Variants in PDE4D observed in about 807,000 individuals in gnomAD.
PDE4D encodes 3',5'-cyclic-AMP phosphodiesterase 4D.
PDE4D carries 24 observed loss-of-function variants against 87.4 expected under a neutral mutation model. The ratio of observed to expected loss-of-function variants is 0.27; its 90% CI spans 0.20 to 0.39. PDE4D has a LOEUF of 0.39. PDE4D is among the 10% of genes least tolerant of loss of function. The probability of loss-of-function intolerance (pLI) is 1.00; values close to 1 mark genes in which losing one functional copy is unlikely to be tolerated. For missense variants in PDE4D, 714 were observed against 1,041.0 expected, an observed-to-expected ratio of 0.69 and a Z score of 4.32; for synonymous variants, 384 against 383.2, an observed-to-expected ratio of 1.00 and a Z score of -0.02.
At chr5:59,664,381 C>T (rs1006969894) in intron 1 of PDE4D, among the ~76,000 whole-genome samples, 1 of 152,144 alleles carries the variant, frequency 6.6e-6, no homozygotes, top group East Asian at 1.9e-4. Flanking sequence ...AAACACAAAT[C>T]AGTTAATATT....
At chr5:60,330,364 CCAAA>C (rs1237139482) in intron 1 of PDE4D, among the ~76,000 whole-genome samples, 2 of 152,094 alleles carry the variant, frequency 1.3e-5, no homozygotes, top group African/African-American at 2.4e-5. Context: ...ACAAATAAGC[CCAAA>C]CAATTAAGTG....
At chr5:59,130,397 G>A (rs988094030) in intron 5 of PDE4D, among the ~76,000 whole-genome samples, 4 of 152,050 alleles carry the variant, frequency 2.6e-5, no homozygotes, top group Admixed American at 6.6e-5. Context: ...GACAAGCCAC[G>A]GCATCTCGTA....
At position 59,007,190 on chromosome 5, in the gene PDE4D, A is replaced by T. The variant is rs1751792819; in HGVS notation, c.922-13725T>A. Among the ~76,000 whole-genome samples, 3 of 152,198 alleles carry T rather than the reference A, an allele frequency of 2.0e-5. No homozygotes were observed. In the South Asian group the frequency reaches 6.2e-4, roughly 32 times the overall value. ...CATAAGGAGTTTTCCAGGCAGTAGC[A>T]CTGTTTGCAGTAGGACTTACATTAT... On this transcript the variant is annotated intron_variant, in intron 6 of 14. Transcript: ENST00000340635.
Position 59,949,202 on chromosome 5 carries a change from C to T in PDE4D, c.272+39286G>A, listed in dbSNP as rs78158959. ...ATCCCAGCACTTTGGGAGGCCAAGGCGGGTGGATCACGAGGTCAGGAAATC... is the reference window on the plus strand; with the variant it reads ...ATCCCAGCACTTTGGGAGGCCAAGGTGGGTGGATCACGAGGTCAGGAAATC... On this transcript the variant is annotated intron_variant, in intron 3 of 16. Coordinates refer to the PDE4D transcript ENST00000502484. Among the ~76,000 whole-genome samples the T allele has an allele frequency of 3.3e-5, 5 of 152,084 alleles. No homozygotes were observed. The East Asian group carries it at 7.7e-4, about 24-fold the overall frequency.
At chr5:60,319,797 G>A (rs1334962384) in intron 1 of PDE4D, among the ~76,000 whole-genome samples, 1 of 152,166 alleles carries the variant, frequency 6.6e-6, no homozygotes, top group African/African-American at 2.4e-5. Context: ...GCAGAACAGT[G>A]GATATTGGTG....
At chr5:59,734,778 A>G (rs1346528035) in intron 1 of PDE4D, among the ~76,000 whole-genome samples, 1 of 152,164 alleles carries the variant, frequency 6.6e-6, no homozygotes, top group African/African-American at 2.4e-5. Flanking sequence ...TGTGAGGGAG[A>G]GATGAAAAAA....
At chr5:59,404,468 G>A (rs1791258632) in intron 1 of PDE4D, among the ~76,000 whole-genome samples, 1 of 151,978 alleles carries the variant, frequency 6.6e-6, no homozygotes, top group African/African-American at 2.4e-5. Context: ...AGACCAACCT[G>A]GCCAACATGG....
intron 1 of PDE4D, among the ~76,000 whole-genome samples, chr5:59,367,361 G>T (rs1430552276): frequency 6.6e-6 from 1 of 151,998 alleles, no homozygotes; most frequent in African/African-American, 2.4e-5. Context: ...TTATTTCTGG[G>T]TAATAGAATG....
intron 1 of PDE4D, among the ~76,000 whole-genome samples, chr5:59,513,306 C>T (rs1007394950): frequency 2.6e-5 from 4 of 152,032 alleles, no homozygotes; most frequent in Non-Finnish European, 5.9e-5. Context: ...AACTCTGTAT[C>T]ATATTGAGAT....
chr5:60,143,510 G>T (rs779564172), intron 2 of PDE4D, among the ~76,000 whole-genome samples: 5 of 151,918 alleles, frequency 3.3e-5, no homozygotes, highest in Non-Finnish European at 5.9e-5. Flanking sequence ...AACTCCAGCG[G>T]CACATTAGAA....
At chr5:60,286,761 TAG>T (rs1477233674) in intron 1 of PDE4D, among the ~76,000 whole-genome samples, 4 of 152,190 alleles carry the variant, frequency 2.6e-5, no homozygotes, top group Non-Finnish European at 5.9e-5. Flanking sequence ...TACTGTCAGA[TAG>T]GTAGGAATGA....
At chr5:60,211,184 C>T (rs970458655) in intron 1 of PDE4D, among the ~76,000 whole-genome samples, 1 of 152,206 alleles carries the variant, frequency 6.6e-6, no homozygotes, top group Admixed American at 6.5e-5. Context: ...GGAAACACAG[C>T]TCCTAATACA....
At chr5:60,222,373 G>T (rs1164036007) in intron 1 of PDE4D, among the ~76,000 whole-genome samples, 1 of 152,020 alleles carries the variant, frequency 6.6e-6, no homozygotes, top group Non-Finnish European at 1.5e-5. Context: ...GAAATCTCAT[G>T]AAAGACTCTG....
At chr5:60,449,201 G>A (rs544203980) in intron 1 of PDE4D, among the ~76,000 whole-genome samples, 1 of 151,640 alleles carries the variant, frequency 6.6e-6, no homozygotes, top group South Asian at 2.1e-4. Flanking sequence ...AAAATCTTAG[G>A]ATTTTAAAAT....
At chr5:59,691,727 A>AG (rs1279432364) in intron 1 of PDE4D, among the ~76,000 whole-genome samples, 3 of 151,840 alleles carry the variant, frequency 2.0e-5, no homozygotes, top group African/African-American at 7.3e-5. Flanking sequence ...AATAAAAAAA[A>AG]AAATGGGAAA....
chr5:59,221,151 G>A (rs767258748), intron 1 of PDE4D, among the ~76,000 whole-genome samples: 1 of 152,018 alleles, frequency 6.6e-6, no homozygotes, highest in Non-Finnish European at 1.5e-5. Flanking sequence ...GCTCATAAGT[G>A]GGTTTTAAAC....
intron 1 of PDE4D, among the ~76,000 whole-genome samples, chr5:59,721,320 T>C (rs980078859): frequency 6.6e-6 from 1 of 152,202 alleles, no homozygotes; most frequent in Non-Finnish European, 1.5e-5. Context: ...GTATTCTTCG[T>C]AATGCCTGAT....
intron 1 of PDE4D, among the ~76,000 whole-genome samples, chr5:59,223,076 T>G (rs1313414823): frequency 6.6e-6 from 1 of 152,158 alleles, no homozygotes; most frequent in African/African-American, 2.4e-5. Context: ...ATCACCTGAA[T>G]CAGCCCTTGC....
At chr5:59,109,001 GT>G (rs1274581164) in intron 5 of PDE4D, among the ~76,000 whole-genome samples, 7 of 149,584 alleles carry the variant, frequency 4.7e-5, no homozygotes, top group African/African-American at 1.5e-4. Flanking sequence ...GTGTGTGTGT[GT>G]GGTGTAGGCC....
Sources: gnomAD v4.1 joint callset for allele counts (sites outside exome capture counted in the v4.1 genomes callset) on GRCh38, gnomAD v4.1.1 for gene constraint, MANE v1.5 for transcripts, NCBI Gene and HGNC (gene_info 2026-07-23, HGNC 2026-07-21) for gene names.